CCDC102B: variants seen among roughly 807,000 people sequenced by gnomAD.
The protein encoded by CCDC102B is coiled-coil domain containing 102B, also known as coiled-coil domain-containing protein 102B.
In CCDC102B, 75 loss-of-function variants were observed where a neutral mutation model predicts 57.4. The observed-to-expected ratio is 1.31, with a 90% confidence interval of 1.08 to 1.58. The LOEUF (loss-of-function observed/expected upper bound fraction) is 1.58, where lower values mean the gene tolerates loss of function less well. Among genes scored for constraint, CCDC102B ranks in the 40% most tolerant of loss-of-function variants. CCDC102B has a pLI of 0.00. For synonymous variants in CCDC102B, 206 were observed against 201.9 expected (o/e 1.02, Z -0.17); for missense variants, 636 against 582.6 (o/e 1.09, Z -0.94).
At chr18:68,913,123 T>C (rs1176419302) in intron 6 of CCDC102B, among the ~76,000 whole-genome samples, 1 of 152,196 alleles carries the variant, frequency 6.6e-6, no homozygotes, top group Non-Finnish European at 1.5e-5. Context: ...ACTTTCTGTT[T>C]TCCCATCATT....
intron 1 of CCDC102B, among the ~76,000 whole-genome samples, chr18:68,833,383 GTT>G (rs11290357): frequency 0.06 from 8,510 of 142,418 alleles, 246 homozygotes; most frequent in East Asian, 0.075. Flanking sequence ...TGCTTTTCCT[GTT>G]TTTTTTTTTT....
At chr18:68,878,881 A>G (rs2039560450) in intron 5 of CCDC102B, among the ~76,000 whole-genome samples, 1 of 152,190 alleles carries the variant, frequency 6.6e-6, no homozygotes, top group South Asian at 2.1e-4. Context: ...CACTGACTTC[A>G]AGAATGAAGC....
intron 5 of CCDC102B, among the ~76,000 whole-genome samples, chr18:68,884,640 T>C (rs967525712): frequency 8.6e-5 from 13 of 150,868 alleles, no homozygotes; most frequent in African/African-American, 2.7e-4. Context: ...TATATACATA[T>C]ACATCTCCCC....
chr18:68,997,011 G>T (rs2051046343), intron 6 of CCDC102B, among the ~76,000 whole-genome samples: 2 of 152,152 alleles, frequency 1.3e-5, no homozygotes, highest in African/African-American at 4.8e-5. Context: ...TCTTGTGATA[G>T]TGAGTTGTCA....
chr18:68,898,286 C>A (rs904422586), intron 6 of CCDC102B, among the ~76,000 whole-genome samples: 2 of 152,052 alleles, frequency 1.3e-5, no homozygotes, highest in Non-Finnish European at 2.9e-5. Flanking sequence ...CATTCATACT[C>A]ACATAAGCTC....
intron 2 of CCDC102B, among the ~76,000 whole-genome samples, chr18:68,776,648 C>T (rs1039759748): frequency 1.2e-4 from 18 of 151,972 alleles, no homozygotes; most frequent in African/African-American, 3.4e-4. Context: ...CAACACACAC[C>T]GTGGCCTGTC....
At position 68,857,424 on chromosome 18, in the gene CCDC102B, A is replaced by C. The variant is rs924775175; in HGVS notation, c.936+11003A>C. 4.6e-5 allele frequency among the ~76,000 whole-genome samples: 6 copies of C among 129,788 alleles called. No homozygotes were observed. The Admixed American group carries it at 5.4e-4, about 12-fold the overall frequency. The allele number at this position is 129,788 out of a possible 152,430, so 85.1% of individuals were successfully genotyped here. On this transcript the variant is annotated intron_variant, in intron 4 of 7. Transcript: ENST00000360242. ...TATATAAATATATATATTTATATATAAACACAAATCATTTTTATAATTTAT... is the reference window on the plus strand; with the variant it reads ...TATATAAATATATATATTTATATATCAACACAAATCATTTTTATAATTTAT...
intron 6 of CCDC102B, among the ~76,000 whole-genome samples, chr18:68,925,346 G>T (rs939763491): frequency 2.0e-5 from 3 of 151,880 alleles, no homozygotes; most frequent in African/African-American, 7.3e-5. Flanking sequence ...CTTTTTTGGT[G>T]ACTCCTGTTT....
chr18:68,817,039 G>T (rs917386830), intron 1 of CCDC102B, among the ~76,000 whole-genome samples: 4 of 152,172 alleles, frequency 2.6e-5, no homozygotes, highest in African/African-American at 9.7e-5. Flanking sequence ...TCCCAAGTTG[G>T]TCAGACCAAA....
At chr18:68,793,798 T>C (rs748813304), upstream of CCDC102B, among the ~76,000 whole-genome samples, 1 of 152,188 alleles carries the variant, frequency 6.6e-6, no homozygotes, top group African/African-American at 2.4e-5. Flanking sequence ...TCATAGCTTT[T>C]TGAGAAAACA....
At chr18:68,944,202 C>T (rs985380178) in intron 6 of CCDC102B, among the ~76,000 whole-genome samples, 1 of 151,960 alleles carries the variant, frequency 6.6e-6, no homozygotes, top group Non-Finnish European at 1.5e-5. Context: ...TGGAGTTTGT[C>T]CAGCTTTCCC....
intron 1 of CCDC102B, among the ~76,000 whole-genome samples, chr18:68,799,947 G>T (rs1379351817): frequency 3.9e-5 from 6 of 152,118 alleles, no homozygotes; most frequent in African/African-American, 1.4e-4. Context: ...GGGGACAATT[G>T]CAAGTTTCTG....
intron 6 of CCDC102B, among the ~76,000 whole-genome samples, chr18:68,907,403 A>T (rs780684495): frequency 6.6e-5 from 10 of 151,254 alleles, no homozygotes; most frequent in Admixed American, 4.0e-4. Context: ...TCAGAGTATT[A>T]ACAGTTTAAT....
intron 3 of CCDC102B, among the ~76,000 whole-genome samples, chr18:68,845,475 T>A (rs966845714): frequency 6.6e-6 from 1 of 151,836 alleles, no homozygotes; most frequent in Non-Finnish European, 1.5e-5. Context: ...TCTCTGCTAA[T>A]ATCTCATTGT....
At chr18:68,775,493 T>C (rs2034779488) in intron 2 of CCDC102B, among the ~76,000 whole-genome samples, 1 of 152,096 alleles carries the variant, frequency 6.6e-6, no homozygotes, top group African/African-American at 2.4e-5. Context: ...TTTCCTCTTC[T>C]CTATATTTCT....
chr18:68,803,167 T>G (rs541857622), intron 1 of CCDC102B, among the ~76,000 whole-genome samples: 7 of 152,330 alleles, frequency 4.6e-5, no homozygotes, highest in African/African-American at 1.7e-4. Flanking sequence ...TTAGTGGAAC[T>G]TGTAATGCTT....
chr18:68,948,732 A>C (rs1279660000), intron 6 of CCDC102B, among the ~76,000 whole-genome samples: 2 of 152,088 alleles, frequency 1.3e-5, no homozygotes, highest in Non-Finnish European at 2.9e-5. Context: ...CAGAATCAAC[A>C]GCTTTTCTGT....
chr18:68,828,023 C>T (rs908898066), intron 1 of CCDC102B, among the ~76,000 whole-genome samples: 1 of 151,778 alleles, frequency 6.6e-6, no homozygotes, highest in African/African-American at 2.4e-5. Context: ...ATCAGGAAGA[C>T]ATAATGATCC....
intron 7 of CCDC102B, among the ~76,000 whole-genome samples, chr18:69,048,734 T>C (rs1431424): frequency 0.02 from 3,076 of 152,024 alleles, 98 homozygotes; most frequent in African/African-American, 0.069. Context: ...CCCTCCCCCA[T>C]ACCCCTTGGA....
Sources: allele counts gnomAD v4.1 joint callset (sites outside exome capture counted in the v4.1 genomes callset), GRCh38; gene constraint gnomAD v4.1.1; transcripts MANE v1.5; gene names NCBI Gene and HGNC (gene_info 2026-07-23, HGNC 2026-07-21).